ELMO1: variants seen among roughly 807,000 people sequenced by gnomAD.
ELMO1 encodes the protein engulfment and cell motility protein 1.
In ELMO1, 26 loss-of-function variants were observed where a neutral mutation model predicts 98.9. That is an observed-to-expected ratio of 0.26 (90% CI 0.19 to 0.36). The LOEUF (loss-of-function observed/expected upper bound fraction) is 0.36, where lower values mean the gene tolerates loss of function less well. ELMO1 is among the 10% of genes least tolerant of loss of function. The pLI is 1.00. For synonymous variants in ELMO1, 346 were observed against 346.0 expected (o/e 1.00, Z 0.00); for missense variants, 627 against 935.2 (o/e 0.67, Z 4.30).
At chr7:37,287,825 G>A (rs898172870) in intron 4 of ELMO1, among the ~76,000 whole-genome samples, 1 of 152,162 alleles carries the variant, frequency 6.6e-6, no homozygotes, top group Non-Finnish European at 1.5e-5. Flanking sequence ...TCACTATCCT[G>A]TTCCCTTTTG....
intron 14 of ELMO1, among the ~76,000 whole-genome samples, chr7:37,120,566 C>T (rs1417001877): frequency 6.6e-6 from 1 of 152,288 alleles, no homozygotes; most frequent in East Asian, 1.9e-4. Context: ...AACGCGGCAG[C>T]GAGTCTAGGG....
chr7:37,105,225 G>A (rs1451689906), intron 14 of ELMO1, among the ~76,000 whole-genome samples: 1 of 152,178 alleles, frequency 6.6e-6, no homozygotes, highest in Non-Finnish European at 1.5e-5. Flanking sequence ...CACAAAGAGG[G>A]CAAAGGATTA....
At chr7:37,202,277 C>A (rs1584801788) in intron 13 of ELMO1, among the ~76,000 whole-genome samples, 2 of 152,182 alleles carry the variant, frequency 1.3e-5, no homozygotes. Flanking sequence ...TTGACAAAAA[C>A]CTGCATTATC....
chr7:37,221,250 C>G (rs900044560), intron 10 of ELMO1, among the ~76,000 whole-genome samples: 3 of 152,164 alleles, frequency 2.0e-5, no homozygotes, highest in African/African-American at 7.2e-5. Flanking sequence ...ATAAGAAATT[C>G]TAAATGGAAA....
At position 37,340,983 on chromosome 7, in the gene ELMO1, T is replaced by C. The variant is rs538864993; in HGVS notation, c.78+1630A>G. ...TTTCGAATAAGTGCCTGGGTAATTC[T>C]GATTAGTACTCGGGCTTGGGCACCA... On this transcript the variant is annotated intron_variant, in intron 2 of 21. Transcript: ENST00000310758. Among the ~76,000 whole-genome samples the C allele has an allele frequency of 3.3e-5, 5 of 152,394 alleles. No individual in the cohort carries two copies. The East Asian group carries it at 9.6e-4, about 29-fold the overall frequency.
Position 36,855,373 on chromosome 7 carries a change from A to C in ELMO1, c.*178T>G. 1.4e-6 allele frequency: 1 copy of C among 703,668 alleles called. No homozygotes were observed. Among genetic ancestry groups the C allele is most frequent in the East Asian group, 2.7e-5 (1 of 37,472 alleles). 43.6% of individuals were successfully genotyped at this position (703,668 alleles called of 1,614,324 possible). A position where few individuals can be genotyped will look rare whatever the true frequency, so the allele number is the denominator to read the frequency against. ...GCCGAGGAACAGAATCAGGGCGGTGAGCAAGATGCCAGCTAGGGGCTGAAA... is the reference window on the plus strand; with the variant it reads ...GCCGAGGAACAGAATCAGGGCGGTGCGCAAGATGCCAGCTAGGGGCTGAAA... On this transcript the variant is annotated 3_prime_UTR_variant, in exon 22 of 22. Coordinates refer to ENST00000310758, the MANE Select transcript of ELMO1 (RefSeq NM_014800.11). This position sits in a 1 kb window ranked among gnomAD's most constrained non-coding sequence, Gnocchi z 4.2.
In ELMO1 at chr7:36,853,419, G is replaced by T. The variant is rs1801986460; in HGVS notation, c.*2132C>A. ...TTCCCTTTTTCATGGATTGGATCTT[G>T]TAACCCATAAGAAAAAAATAATATG... On this transcript the variant is annotated 3_prime_UTR_variant, in exon 22 of 22. Coordinates refer to ENST00000310758, the MANE Select transcript of ELMO1 (RefSeq NM_014800.11). Among the ~76,000 whole-genome samples, 1 of 152,152 alleles carries T rather than the reference G, an allele frequency of 6.6e-6. No homozygotes were observed. The highest frequency in any genetic ancestry group is 2.4e-5 in the African/African-American group (1 of 41,432).
At chr7:37,218,669 G>C (rs1347960557) in intron 10 of ELMO1, among the ~76,000 whole-genome samples, 3 of 152,142 alleles carry the variant, frequency 2.0e-5, no homozygotes, top group Admixed American at 6.5e-5. Context: ...ATATTGTTTA[G>C]TTTTAAAAGA....
At chr7:36,991,620 T>C (rs1040317004) in intron 16 of ELMO1, among the ~76,000 whole-genome samples, 10 of 152,312 alleles carry the variant, frequency 6.6e-5, no homozygotes, top group African/African-American at 2.4e-4. Context: ...TAATATTCCA[T>C]GGAAACATTC....
chr7:36,887,644 T>C lies in ELMO1; in HGVS notation c.1630A>G (p.Ile544Val). The change falls in exon 18 of 22, where the codon ATC becomes GTC. Residue 544 changes from isoleucine (I) to valine (V), a missense_variant. Transcript: ENST00000310758. ...CGTTGCTGTTTGATCAGCTCTAAGA[T>C]TTCTGGCTGAATCTTCTCCTTTAGT... ...LELKEKIQPE[I>V]LELIKQQRLN... The C allele has an allele frequency of 2.5e-6, 4 of 1,614,056 alleles. No homozygotes were observed. Among genetic ancestry groups the C allele is most frequent in the Admixed American group, 1.7e-5 (1 of 60,030 alleles).
chr7:37,131,260 A>AGTAT (rs1275150750), intron 14 of ELMO1, among the ~76,000 whole-genome samples: 3 of 152,188 alleles, frequency 2.0e-5, no homozygotes, highest in African/African-American at 7.2e-5. Flanking sequence ...AAGTCATCTG[A>AGTAT]GATACAGGAA....
At chr7:37,398,467 A>T (rs1210391290) in intron 1 of ELMO1, among the ~76,000 whole-genome samples, 1 of 152,252 alleles carries the variant, frequency 6.6e-6, no homozygotes, top group Non-Finnish European at 1.5e-5. Context: ...GGGAGGAACC[A>T]GAAAGCGATG....
intron 16 of ELMO1, among the ~76,000 whole-genome samples, chr7:36,942,635 A>C (rs1170420712): frequency 6.6e-6 from 1 of 152,212 alleles, no homozygotes; most frequent in Non-Finnish European, 1.5e-5. Flanking sequence ...AGAGGGAATA[A>C]ATCTGGACAA....
intron 15 of ELMO1, among the ~76,000 whole-genome samples, chr7:37,059,891 C>T (rs1040627899): frequency 6.6e-6 from 1 of 152,132 alleles, no homozygotes; most frequent in African/African-American, 2.4e-5. Flanking sequence ...GGGGCAGGCA[C>T]AGAACTACAC....
chr7:37,164,973 T>A lies in ELMO1; in HGVS notation c.1087-31739A>T, dbSNP rs1347881866. ...TATTGATTCTTCCTACCCATGAGCATGGAATGTTCTTCCATTTGTTTGTAT... is the reference window on the plus strand; with the variant it reads ...TATTGATTCTTCCTACCCATGAGCAAGGAATGTTCTTCCATTTGTTTGTAT... On this transcript the variant is annotated intron_variant, in intron 13 of 21. Coordinates refer to ENST00000310758, the MANE Select transcript of ELMO1 (RefSeq NM_014800.11). Among the ~76,000 whole-genome samples, 3 of 152,128 alleles carry A rather than the reference T, an allele frequency of 2.0e-5. No individual in the cohort carries two copies. In the South Asian group the frequency reaches 6.2e-4, roughly 32 times the overall value.
intron 16 of ELMO1, among the ~76,000 whole-genome samples, chr7:36,937,927 C>A (rs1786688627): frequency 6.6e-6 from 1 of 152,200 alleles, no homozygotes; most frequent in African/African-American, 2.4e-5. Flanking sequence ...CTGCCAGGTG[C>A]CACAGAACTC....
At chr7:36,993,381 C>T (rs1245841811) in intron 16 of ELMO1, among the ~76,000 whole-genome samples, 1 of 152,156 alleles carries the variant, frequency 6.6e-6, no homozygotes, top group Non-Finnish European at 1.5e-5. Flanking sequence ...TCTAAACAAA[C>T]CAACTAAGTG....
intron 13 of ELMO1, among the ~76,000 whole-genome samples, chr7:37,203,760 G>A (rs1341639630): frequency 6.6e-6 from 1 of 152,088 alleles, no homozygotes; most frequent in East Asian, 1.9e-4. Context: ...AGGATAGATG[G>A]GCGAGTCTGC....
intron 13 of ELMO1, among the ~76,000 whole-genome samples, chr7:37,180,812 G>GCACA (rs1008521407): frequency 1.1e-3 from 56 of 51,072 alleles, no homozygotes; most frequent in Non-Finnish European, 1.4e-3. Context: ...ACACATATGC[G>GCACA]CACACACACA....
Sources: allele counts gnomAD v4.1 joint callset (sites outside exome capture counted in the v4.1 genomes callset), GRCh38; gene constraint gnomAD v4.1.1; non-coding constraint Gnocchi (gnomAD v3.1); transcripts MANE v1.5; gene names NCBI Gene and HGNC (gene_info 2026-07-23, HGNC 2026-07-21).